Variants in EYS observed in about 807,000 individuals in gnomAD.
EYS encodes EGF-like photoreceptor maintenance factor.
Under a neutral mutation model 282.1 loss-of-function variants are expected in EYS, and 250 were observed. That is an observed-to-expected ratio of 0.89 (90% CI 0.80 to 0.98). The LOEUF (loss-of-function observed/expected upper bound fraction) is 0.98, where lower values mean the gene tolerates loss of function less well. EYS is among the 50% of genes least tolerant of loss of function. The pLI is 0.00. For synonymous variants in EYS, 1,355 were observed against 1,282.9 expected (o/e 1.06, Z -1.20); for missense variants, 4,016 against 3,709.0 (o/e 1.08, Z -2.15).
At chr6:65,498,133 C>A (rs1217637403) in intron 2 of EYS, among the ~76,000 whole-genome samples, 1 of 151,962 alleles carries the variant, frequency 6.6e-6, no homozygotes, top group African/African-American at 2.4e-5. Flanking sequence ...CCAGTTGGAG[C>A]AGTAAGACGG....
At chr6:64,012,034 C>A (rs1332920810) in intron 33 of EYS, among the ~76,000 whole-genome samples, 1 of 150,690 alleles carries the variant, frequency 6.6e-6, no homozygotes, top group Non-Finnish European at 1.5e-5. Context: ...CTCCTCTCCT[C>A]TTGTCCCCTC....
At chr6:64,568,414 C>T (rs565669941) in intron 26 of EYS, among the ~76,000 whole-genome samples, 14 of 152,218 alleles carry the variant, frequency 9.2e-5, no homozygotes, top group African/African-American at 2.9e-4. Context: ...CCTAGTCAAA[C>T]GTAATAGTTT....
intron 35 of EYS, among the ~76,000 whole-genome samples, chr6:63,952,777 A>C (rs1009808944): frequency 6.6e-6 from 1 of 152,084 alleles, no homozygotes; most frequent in Non-Finnish European, 1.5e-5. Context: ...TCCCACAAGT[A>C]TGGGACACCT....
chr6:65,608,275 G>A (rs767846188), intron 2 of EYS, among the ~76,000 whole-genome samples: 3 of 151,980 alleles, frequency 2.0e-5, no homozygotes, highest in African/African-American at 7.2e-5. Flanking sequence ...GTATCACATG[G>A]TAAGTATTTC....
chr6:65,467,229 C>G (rs952588403), intron 5 of EYS, among the ~76,000 whole-genome samples: 1 of 152,018 alleles, frequency 6.6e-6, no homozygotes, highest in Non-Finnish European at 1.5e-5. Context: ...ATACAGAGGC[C>G]TTTTTGCCTC....
chr6:65,269,758 A>G (rs1163378480), intron 12 of EYS, among the ~76,000 whole-genome samples: 1 of 152,156 alleles, frequency 6.6e-6, no homozygotes, highest in East Asian at 1.9e-4. Context: ...CTTCTCGTGC[A>G]TCTTCACATG....
At chr6:65,645,360 T>A (rs1490272960) in intron 1 of EYS, among the ~76,000 whole-genome samples, 1 of 152,092 alleles carries the variant, frequency 6.6e-6, no homozygotes. Context: ...GGAATAAAAC[T>A]AGAAATCAAC....
At chr6:64,978,566 TA>T (rs1770547983) in intron 14 of EYS, among the ~76,000 whole-genome samples, 1 of 151,954 alleles carries the variant, frequency 6.6e-6, no homozygotes, top group African/African-American at 2.4e-5. Flanking sequence ...TTTCAAGTCT[TA>T]CTATTTAAGA....
intron 2 of EYS, among the ~76,000 whole-genome samples, chr6:65,524,384 A>G (rs1767481509): frequency 6.6e-6 from 1 of 152,230 alleles, no homozygotes; most frequent in Non-Finnish European, 1.5e-5. Context: ...ACAAGGTCAC[A>G]GAAACAGGAA....
chr6:65,407,458 G>T (rs34841248), intron 5 of EYS, among the ~76,000 whole-genome samples: 3,336 of 152,078 alleles, frequency 0.022, 55 homozygotes, highest in Non-Finnish European at 0.033. Context: ...GTTTCATTAT[G>T]TTGGCCAGGC....
chr6:63,899,276 G>A (rs1773606569), intron 35 of EYS, among the ~76,000 whole-genome samples: 1 of 152,044 alleles, frequency 6.6e-6, no homozygotes, highest in Non-Finnish European at 1.5e-5. Flanking sequence ...AAAGTCTGTG[G>A]CTAGTTTTTT....
chr6:64,272,886 T>C (rs184391797), intron 30 of EYS, among the ~76,000 whole-genome samples: 2 of 152,252 alleles, frequency 1.3e-5, no homozygotes, highest in South Asian at 2.1e-4. Flanking sequence ...TTATAAATTA[T>C]ATTTTCTAAA....
At chr6:64,618,686 A>T (rs1767350298) in intron 23 of EYS, among the ~76,000 whole-genome samples, 1 of 152,210 alleles carries the variant, frequency 6.6e-6, no homozygotes, top group Non-Finnish European at 1.5e-5. Flanking sequence ...AAGACATGGC[A>T]ATGTCCACAT....
intron 11 of EYS, among the ~76,000 whole-genome samples, chr6:65,333,921 T>A (rs191607256): frequency 5.3e-5 from 8 of 151,694 alleles, no homozygotes; most frequent in African/African-American, 1.7e-4. Flanking sequence ...GATATTTTTT[T>A]ATTGCTTTAC....
At chr6:65,635,133 T>C (rs1767042002) in intron 2 of EYS, among the ~76,000 whole-genome samples, 1 of 152,162 alleles carries the variant, frequency 6.6e-6, no homozygotes, top group African/African-American at 2.4e-5. Context: ...CTAGGAACAC[T>C]AACTGGGAAC....
chr6:64,206,917 A>G (rs1217356875), intron 31 of EYS, among the ~76,000 whole-genome samples: 1 of 152,026 alleles, frequency 6.6e-6, no homozygotes, highest in Non-Finnish European at 1.5e-5. Flanking sequence ...TTATTTCATC[A>G]CCCAGGTATT....
chr6:65,389,499 G>C (rs1258980358), intron 7 of EYS, among the ~76,000 whole-genome samples: 2 of 152,054 alleles, frequency 1.3e-5, no homozygotes, highest in Non-Finnish European at 2.9e-5. Flanking sequence ...ACATGTACCT[G>C]AATGAAGGTT....
At chr6:65,409,184 G>T (rs913679850) in intron 5 of EYS, among the ~76,000 whole-genome samples, 1 of 152,118 alleles carries the variant, frequency 6.6e-6, no homozygotes, top group South Asian at 2.1e-4. Flanking sequence ...CACTTGAAGG[G>T]ATGTGAAAGC....
chr6:64,185,596 G>T (rs973340361), intron 31 of EYS, among the ~76,000 whole-genome samples: 8 of 152,128 alleles, frequency 5.3e-5, no homozygotes, highest in Non-Finnish European at 1.2e-4. Context: ...TGAAGACTTG[G>T]AAGTTTATAG....
Sources: gnomAD v4.1 joint callset for allele counts (sites outside exome capture counted in the v4.1 genomes callset) on GRCh38, gnomAD v4.1.1 for gene constraint, MANE v1.5 for transcripts, NCBI Gene and HGNC (gene_info 2026-07-23, HGNC 2026-07-21) for gene names.